The following RORB variants were observed in gnomAD, a reference collection of about 807,000 sequenced individuals.
RORB encodes the protein RAR related orphan receptor B, also known as nuclear receptor ROR-beta.
A neutral mutation model predicts 59.1 loss-of-function variants in RORB; 6 were observed. That is an observed-to-expected ratio of 0.10 (90% CI 0.06 to 0.20). The LOEUF is 0.20. Ranked by LOEUF, RORB falls within the 10% of genes least tolerant of loss-of-function variation. RORB has a pLI of 1.00. For synonymous variants in RORB, 215 were observed against 204.5 expected (o/e 1.05, Z -0.44); for missense variants, 320 against 560.5 (o/e 0.57, Z 4.33).
At chr9:74,501,154 A>G (rs944871924) in intron 1 of RORB, among the ~76,000 whole-genome samples, 12 of 152,110 alleles carry the variant, frequency 7.9e-5, no homozygotes, top group Non-Finnish European at 2.9e-5. Flanking sequence ...TTCCAAAAAC[A>G]GGGGCACAGA....
rs367842405 is a variant in RORB, at chr9:74,514,182, A to C, written c.7+16199A>C. Among the ~76,000 whole-genome samples the C allele has an allele frequency of 7.2e-5, 11 of 152,242 alleles. No homozygotes were observed. The East Asian group carries it at 9.7e-4, about 13-fold the overall frequency. On this transcript the variant is annotated intron_variant, in intron 1 of 9. Transcript: ENST00000376896. ...TTTCACTCAAGTTTTTGAAAGTGCT[A>C]GTTTTCTAAAGAAATTGTGAATAAC...
intron 1 of RORB, among the ~76,000 whole-genome samples, chr9:74,539,871 A>AC (rs946388921): frequency 1.4e-5 from 2 of 145,394 alleles, no homozygotes; most frequent in African/African-American, 5.0e-5. Flanking sequence ...AACCTCTCAA[A>AC]AAAAAAAAAA....
intron 1 of RORB, among the ~76,000 whole-genome samples, chr9:74,529,347 CAAAGCTAGAAAAAAA>C (rs1382134350): frequency 6.6e-6 from 1 of 150,776 alleles, no homozygotes; most frequent in East Asian, 2.0e-4. Context: ...ATAGTTAATG[CAAAGCTAGAAAAAAA>C]AAAGTAACAC....
intron 1 of RORB, among the ~76,000 whole-genome samples, chr9:74,546,194 A>G (rs922342839): frequency 6.6e-6 from 1 of 152,254 alleles, no homozygotes; most frequent in African/African-American, 2.4e-5. Context: ...GATTTTAGAT[A>G]GAGAAGCTCG....
At chr9:74,565,659 G>A (rs916632508) in intron 1 of RORB, among the ~76,000 whole-genome samples, 27 of 152,244 alleles carry the variant, frequency 1.8e-4, no homozygotes, top group Admixed American at 1.4e-3. Flanking sequence ...GTAAAAACTT[G>A]TCTTAATATC....
intron 1 of RORB, among the ~76,000 whole-genome samples, chr9:74,615,829 G>A (rs1399573133): frequency 6.6e-6 from 1 of 152,106 alleles, no homozygotes; most frequent in African/African-American, 2.4e-5. Context: ...CACTGGAGAA[G>A]ATATTTATAT....
At chr9:74,549,750 C>T (rs1041405837) in intron 1 of RORB, among the ~76,000 whole-genome samples, 1 of 151,906 alleles carries the variant, frequency 6.6e-6, no homozygotes, top group Non-Finnish European at 1.5e-5. Flanking sequence ...GTGTTTGAGA[C>T]GGAATTTTGC....
At chr9:74,634,910 A>T (rs1477354532) in intron 3 of RORB, 138 bp downstream of exon 3, 1 of 744,724 alleles carries the variant, frequency 1.3e-6, no homozygotes, top group Non-Finnish European at 2.1e-6. Flanking sequence ...CTGCTAGTGC[A>T]TTACAAGGAA....
intron 1 of RORB, among the ~76,000 whole-genome samples, chr9:74,590,202 T>C (rs1032483197): frequency 6.6e-6 from 1 of 152,146 alleles, no homozygotes; most frequent in Non-Finnish European, 1.5e-5. Flanking sequence ...CTAAGACCTC[T>C]AGGAGTAGCA....
chr9:74,557,319 C>T (rs871179), intron 1 of RORB, among the ~76,000 whole-genome samples: 62,734 of 151,890 alleles, frequency 0.41, 13,955 homozygotes, highest in East Asian at 0.77. Context: ...TCCACAGACA[C>T]GAATGAGGAG....
chr9:74,675,458 T>C (rs1824422040), intron 9 of RORB, among the ~76,000 whole-genome samples: 2 of 152,126 alleles, frequency 1.3e-5, no homozygotes, highest in African/African-American at 4.8e-5. Context: ...TTAAGGTCTC[T>C]TTAGTATTAT....
intron 1 of RORB, among the ~76,000 whole-genome samples, chr9:74,527,475 G>A (rs1826171856): frequency 6.6e-6 from 1 of 151,994 alleles, no homozygotes; most frequent in South Asian, 2.1e-4. Flanking sequence ...TGTGACAATG[G>A]TAAGTTCTAC....
At chr9:74,577,689 A>G (rs964775042) in intron 1 of RORB, among the ~76,000 whole-genome samples, 8 of 152,064 alleles carry the variant, frequency 5.3e-5, no homozygotes, top group Non-Finnish European at 8.8e-5. Context: ...GGTTTGCCCC[A>G]GCTCTTTTAC....
intron 1 of RORB, among the ~76,000 whole-genome samples, chr9:74,612,462 C>G (rs1295190333): frequency 6.6e-6 from 1 of 152,086 alleles, no homozygotes; most frequent in African/African-American, 2.4e-5. Context: ...AAAACTGAAA[C>G]TTTATAGACA....
At chr9:74,679,934 G>C (rs4745350) in intron 9 of RORB, among the ~76,000 whole-genome samples, 151,467 of 152,198 alleles carry the variant, frequency 1, 75,377 homozygotes, top group Middle Eastern at 1. Context: ...AATCCCATCT[G>C]TACTAAAAAT....
chr9:74,558,145 C>T (rs952514179), intron 1 of RORB, among the ~76,000 whole-genome samples: 4 of 151,864 alleles, frequency 2.6e-5, no homozygotes, highest in African/African-American at 9.7e-5. Context: ...CTATATTTTT[C>T]CCATACTGTG....
intron 9 of RORB, among the ~76,000 whole-genome samples, chr9:74,683,640 A>G (rs1235660002): frequency 1.3e-5 from 2 of 152,080 alleles, no homozygotes; most frequent in Admixed American, 6.6e-5. Flanking sequence ...CCTCTGCCCC[A>G]GCACCTAATT....
chr9:74,562,200 C>A (rs532851408), intron 1 of RORB, among the ~76,000 whole-genome samples: 1 of 152,152 alleles, frequency 6.6e-6, no homozygotes, highest in African/African-American at 2.4e-5. Context: ...GTATGTATTT[C>A]AGTCTACTTT....
chr9:74,515,259 T>C lies in RORB; in HGVS notation c.7+17276T>C, dbSNP rs1283186645. ...CAAATTTCTGATTAAGCAGTGTTTATTATTAGGTCCATTTGATAGAAGAAG... is the reference window on the plus strand; with the variant it reads ...CAAATTTCTGATTAAGCAGTGTTTACTATTAGGTCCATTTGATAGAAGAAG... On this transcript the variant is annotated intron_variant, in intron 1 of 9. Transcript: ENST00000376896. Among the ~76,000 whole-genome samples, 4 of 151,934 alleles carry C rather than the reference T, an allele frequency of 2.6e-5. No individual in the cohort carries two copies. The East Asian group carries it at 7.8e-4, about 29-fold the overall frequency.
Sources: allele counts gnomAD v4.1 joint callset (sites outside exome capture counted in the v4.1 genomes callset), GRCh38; gene constraint gnomAD v4.1.1; transcripts MANE v1.5; gene names NCBI Gene and HGNC (gene_info 2026-07-23, HGNC 2026-07-21).